CYP19A1: variants seen among roughly 807,000 people sequenced by gnomAD.
The protein encoded by CYP19A1 is aromatase.
A neutral mutation model predicts 44.4 loss-of-function variants in CYP19A1; 32 were observed. That is an observed-to-expected ratio of 0.72 (90% CI 0.54 to 0.97). CYP19A1 has a LOEUF of 0.97. Among genes scored for constraint, CYP19A1 ranks in the 50% least tolerant of loss-of-function variants. The probability of loss-of-function intolerance (pLI) is 0.00; values close to 1 mark genes in which losing one functional copy is unlikely to be tolerated. For synonymous variants in CYP19A1, 212 were observed against 215.6 expected, an observed-to-expected ratio of 0.98 and a Z score of 0.14; for missense variants, 598 against 637.8, an observed-to-expected ratio of 0.94 and a Z score of 0.67.
At chr15:51,300,143 A>C (rs1020241512) in intron 1 of CYP19A1, among the ~76,000 whole-genome samples, 23 of 152,190 alleles carry the variant, frequency 1.5e-4, no homozygotes, top group Non-Finnish European at 3.2e-4. Flanking sequence ...TACTGACCCC[A>C]GTTTGAGTAA....
Position 51,236,884 on chromosome 15 carries a change from C to T in CYP19A1, c.271G>A (p.Gly91Arg). Residue 91 changes from glycine (G) to arginine (R), a missense_variant, in exon 3 of 10, where the codon GGA becomes AGA. By Grantham distance (125) the Gly-to-Arg change is moderately radical. Coordinates refer to ENST00000396402, the MANE Select transcript of CYP19A1 (RefSeq NM_000103.4). ...TTGCTGATAATGAGTGTTTCCTCTC[C>T]AGAGATCCAGACTCGCATGAATTCT... ...YGEFMRVWIS[G>R]EETLIISKSS... 2.5e-6 allele frequency: 4 copies of T among 1,614,170 alleles called. No homozygotes were observed. The highest frequency in any genetic ancestry group is 3.4e-6 in the Non-Finnish European group (4 of 1,180,004).
intron 1 of CYP19A1, among the ~76,000 whole-genome samples, chr15:51,304,607 A>C (rs2036176837): frequency 6.6e-6 from 1 of 152,176 alleles, no homozygotes; most frequent in South Asian, 2.1e-4. Flanking sequence ...TCCATAGCTA[A>C]CTTTGTTTGT....
At chr15:51,323,411 G>A (rs1187187640) in intron 1 of CYP19A1, among the ~76,000 whole-genome samples, 3 of 151,806 alleles carry the variant, frequency 2.0e-5, no homozygotes, top group Non-Finnish European at 4.4e-5. Context: ...TAGAACTTGT[G>A]GGATCAATGA....
At chr15:51,211,669 T>C (rs1217527011) in intron 9 of CYP19A1, 5 of 446,808 alleles carry the variant, frequency 1.1e-5, no homozygotes, top group Non-Finnish European at 1.8e-5. Context: ...TTTAGCATCA[T>C]GTTTCTACAC....
chr15:51,214,977 T>A (rs553406880), intron 8 of CYP19A1, 93 bp downstream of exon 8: 870 of 1,525,478 alleles, frequency 5.7e-4, no homozygotes, highest in Non-Finnish European at 7.4e-4. Context: ...TTATAAAAAA[T>A]TTCATGTTTG....
At chr15:51,275,907 C>G (rs891679366) in intron 1 of CYP19A1, among the ~76,000 whole-genome samples, 1 of 152,174 alleles carries the variant, frequency 6.6e-6, no homozygotes, top group Non-Finnish European at 1.5e-5. Context: ...TGCCTGCTAG[C>G]TGCTGTGTCC....
chr15:51,227,978 G>A (rs1405981739), intron 3 of CYP19A1, 45 bp from the exon 4 acceptor site: 3 of 1,073,180 alleles, frequency 2.8e-6, no homozygotes, highest in Non-Finnish European at 4.4e-6. Context: ...AGGGTCAGGA[G>A]AACTCCTGGT....
intron 1 of CYP19A1, among the ~76,000 whole-genome samples, chr15:51,277,816 T>C (rs1595749286): frequency 2.0e-5 from 3 of 152,256 alleles, no homozygotes; most frequent in East Asian, 1.9e-4. Flanking sequence ...ATCACAAATA[T>C]CACGTTTTTT....
In CYP19A1 at chr15:51,210,524, C is replaced by G; in HGVS notation, c.*284G>C. The G allele has an allele frequency of 1.7e-6, 1 of 583,206 alleles. No individual in the cohort carries two copies. The highest frequency in any genetic ancestry group is 3.3e-6 in the Non-Finnish European group (1 of 307,566). The allele number at this position is 583,206 out of a possible 1,614,324, so 36.1% of individuals were successfully genotyped here. On this transcript the variant is annotated 3_prime_UTR_variant, in exon 10 of 10. Transcript: ENST00000396402. ...TAATGAAGGCCTATCCTTCTCAAAG[C>G]ACATTTGGTGGAATCGGGTCTTTAT...
chr15:51,305,060 C>T lies in CYP19A1; in HGVS notation c.-39+33435G>A, dbSNP rs2036189411. Among the ~76,000 whole-genome samples the T allele has an allele frequency of 2.0e-5, 3 of 151,834 alleles. No individual in the cohort carries two copies. In the South Asian group the frequency reaches 6.3e-4, roughly 32 times the overall value. On this transcript the variant is annotated intron_variant, in intron 1 of 9. Coordinates refer to ENST00000396402, the MANE Select transcript of CYP19A1 (RefSeq NM_000103.4). ...CATTACAGGCGCCTGCCACCACGCCCAGCTAATTTTTGTATTTTTAGTAGA... is the reference window on the plus strand; with the variant it reads ...CATTACAGGCGCCTGCCACCACGCCTAGCTAATTTTTGTATTTTTAGTAGA...
intron 1 of CYP19A1, among the ~76,000 whole-genome samples, chr15:51,294,989 C>T (rs2035959930): frequency 7.2e-6 from 1 of 138,664 alleles, no homozygotes; most frequent in African/African-American, 3.1e-5. Flanking sequence ...AAAAATTCTT[C>T]TGCCTTGGGG....
At chr15:51,238,157 T>A (rs1295867459) in intron 2 of CYP19A1, among the ~76,000 whole-genome samples, 2 of 152,218 alleles carry the variant, frequency 1.3e-5, no homozygotes, top group Admixed American at 6.5e-5. Flanking sequence ...AAATAAAAGA[T>A]CTTTGCTAAT....
chr15:51,317,759 C>A (rs900105828), intron 1 of CYP19A1, among the ~76,000 whole-genome samples: 1 of 152,182 alleles, frequency 6.6e-6, no homozygotes, highest in Non-Finnish European at 1.5e-5. Flanking sequence ...TGTGACAGAG[C>A]AGATAATCTT....
intron 1 of CYP19A1, among the ~76,000 whole-genome samples, chr15:51,282,127 G>T (rs139587833): frequency 6.6e-6 from 1 of 152,156 alleles, no homozygotes; most frequent in Non-Finnish European, 1.5e-5. Flanking sequence ...TGGAGTAAAG[G>T]AGCAGCAGAC....
At chr15:51,221,592 C>T (rs2032083128) in intron 5 of CYP19A1, 1 of 152,168 alleles carries the variant, frequency 6.6e-6, no homozygotes, top group Non-Finnish European at 1.5e-5. Flanking sequence ...CACAACTTTT[C>T]AAGAACTAGC....
chr15:51,267,839 G>A (rs1363759444), intron 1 of CYP19A1, among the ~76,000 whole-genome samples: 6 of 152,222 alleles, frequency 3.9e-5, no homozygotes, highest in Non-Finnish European at 7.3e-5. Flanking sequence ...CATGCCCCGG[G>A]GAAGGGTCTT....
chr15:51,287,901 A>T (rs1042850476), intron 1 of CYP19A1, among the ~76,000 whole-genome samples: 3 of 152,232 alleles, frequency 2.0e-5, no homozygotes, highest in Non-Finnish European at 4.4e-5. Flanking sequence ...CAGTGGAAAA[A>T]TCAATGGGTA....
chr15:51,276,660 G>A (rs1471454356), intron 1 of CYP19A1, among the ~76,000 whole-genome samples: 1 of 152,150 alleles, frequency 6.6e-6, no homozygotes, highest in African/African-American at 2.4e-5. Context: ...GCTTCTCTGT[G>A]ATTTCATAGT....
At chr15:51,233,077 G>C (rs1200799022) in intron 3 of CYP19A1, among the ~76,000 whole-genome samples, 1 of 152,130 alleles carries the variant, frequency 6.6e-6, no homozygotes, top group Admixed American at 6.5e-5. Context: ...TCTCTGCATG[G>C]GCTACTTGCT....
Sources: allele counts gnomAD v4.1 joint callset (sites outside exome capture counted in the v4.1 genomes callset), GRCh38; gene constraint gnomAD v4.1.1; transcripts MANE v1.5; gene names NCBI Gene and HGNC (gene_info 2026-07-23, HGNC 2026-07-21).